Variants in NALF1 observed in about 807,000 individuals in gnomAD.
The protein encoded by NALF1 is family with sequence similarity 155 member A.
In NALF1, 3 loss-of-function variants were observed where a neutral mutation model predicts 48.4. The observed-to-expected ratio is 0.06, with a 90% CI of 0.03 to 0.16. The LOEUF is 0.16. Among genes scored for constraint, NALF1 ranks in the 10% least tolerant of loss-of-function variants. The pLI is 1.00. For missense variants in NALF1, 526 were observed against 571.5 expected (o/e 0.92, Z 0.81); for synonymous variants, 262 against 245.7 (o/e 1.07, Z -0.62).
At chr13:107,503,301 T>A (rs1307496873) in intron 1 of NALF1, among the ~76,000 whole-genome samples, 1 of 148,810 alleles carries the variant, frequency 6.7e-6, no homozygotes, top group Non-Finnish European at 1.5e-5. Flanking sequence ...CAAAAAAAAA[T>A]CCAGAAGGTA....
At chr13:107,371,255 C>G (rs1220605689) in intron 1 of NALF1, among the ~76,000 whole-genome samples, 1 of 152,008 alleles carries the variant, frequency 6.6e-6, no homozygotes, top group Non-Finnish European at 1.5e-5. Flanking sequence ...GGGACCAATA[C>G]AGACAACACA....
intron 1 of NALF1, among the ~76,000 whole-genome samples, chr13:107,666,526 A>C (rs1457099608): frequency 6.6e-6 from 1 of 152,142 alleles, no homozygotes; most frequent in Non-Finnish European, 1.5e-5. Context: ...CACGGGGTGG[A>C]AAGTTTGCTC....
At position 107,530,863 on chromosome 13, in the gene NALF1, A is replaced by T. The variant is rs988261037; in HGVS notation, c.916-320108T>A. On this transcript the variant is annotated intron_variant, in intron 1 of 2. Transcript: ENST00000375915. The stretch of plus-strand genomic sequence containing the variant: ...ACCATTCTCCTTATAAAGTTTTAAA[A>T]ATAATATGAAAACCAGCAGGATTGC... Among the ~76,000 whole-genome samples the T allele has an allele frequency of 5.3e-5, 8 of 152,140 alleles. 3 individuals are homozygous for T. Among genetic ancestry groups the T allele is most frequent in the Admixed American group, 5.2e-4 (8 of 15,258 alleles).
At chr13:107,385,136 A>C (rs1411699544) in intron 1 of NALF1, among the ~76,000 whole-genome samples, 1 of 152,226 alleles carries the variant, frequency 6.6e-6, no homozygotes, top group African/African-American at 2.4e-5. Flanking sequence ...ATGATTTCAA[A>C]AATCTCTAAA....
At chr13:107,210,836 G>A (rs1486189228) in intron 1 of NALF1, 81 bp from the exon 2 acceptor site, 42 of 978,454 alleles carry the variant, frequency 4.3e-5, no homozygotes, top group Non-Finnish European at 5.9e-5. Flanking sequence ...GCGTGCAAGC[G>A]TGCTGTGGTT....
chr13:107,409,371 T>A (rs1005208408), intron 1 of NALF1, among the ~76,000 whole-genome samples: 28 of 152,114 alleles, frequency 1.8e-4, no homozygotes, highest in African/African-American at 6.8e-4. Flanking sequence ...AATGCAGAAT[T>A]GCAAACTGTG....
At position 107,867,050 on chromosome 13, in the gene NALF1, G is replaced by A. The variant is rs1234709693; in HGVS notation, c.-454C>T. Among the ~76,000 whole-genome samples, 2 of 151,872 alleles carry A rather than the reference G, an allele frequency of 1.3e-5. No homozygotes were observed. The highest frequency in any genetic ancestry group is 3.4e-3 in the Middle Eastern group (1 of 292). On this transcript the variant is annotated 5_prime_UTR_variant, in exon 1 of 3. Coordinates refer to ENST00000375915, the MANE Select transcript of NALF1 (RefSeq NM_001080396.3). This position sits in a 1 kb window ranked among gnomAD's most constrained non-coding sequence, Gnocchi z 4.4. ...GCGCGCGGGTCCCCATGGCCCCGCG[G>A]AGCCCAGCCCGCTCTCCCCTGCCAG...
At chr13:107,439,844 G>T (rs554544583) in intron 1 of NALF1, among the ~76,000 whole-genome samples, 1 of 152,232 alleles carries the variant, frequency 6.6e-6, no homozygotes, top group East Asian at 1.9e-4. Flanking sequence ...GGAATATTGT[G>T]AGTTGTTTCT....
chr13:107,623,037 G>T (rs1054798612), intron 1 of NALF1, among the ~76,000 whole-genome samples: 2 of 152,100 alleles, frequency 1.3e-5, no homozygotes, highest in African/African-American at 4.8e-5. Flanking sequence ...GGTTACCACT[G>T]TTTCCCACGA....
At chr13:107,544,923 A>G (rs1877095996) in intron 1 of NALF1, among the ~76,000 whole-genome samples, 1 of 152,188 alleles carries the variant, frequency 6.6e-6, no homozygotes, top group Non-Finnish European at 1.5e-5. Context: ...TGCAGAAGAC[A>G]GGCTCATGAC....
At chr13:107,472,215 G>C (rs1885112021) in intron 1 of NALF1, among the ~76,000 whole-genome samples, 1 of 152,152 alleles carries the variant, frequency 6.6e-6, no homozygotes, top group Non-Finnish European at 1.5e-5. Context: ...TGTAATCCCA[G>C]GTACTTGGGA....
intron 1 of NALF1, among the ~76,000 whole-genome samples, chr13:107,604,103 C>T (rs968233400): frequency 6.6e-6 from 1 of 152,090 alleles, no homozygotes; most frequent in Non-Finnish European, 1.5e-5. Flanking sequence ...AAAAAGCATT[C>T]GAGCACACAA....
intron 1 of NALF1, among the ~76,000 whole-genome samples, chr13:107,322,281 T>C (rs1882272328): frequency 6.6e-6 from 1 of 152,186 alleles, no homozygotes; most frequent in Non-Finnish European, 1.5e-5. Context: ...TCTACATACA[T>C]ATCTATCTCT....
intron 1 of NALF1, among the ~76,000 whole-genome samples, chr13:107,216,294 GA>G (rs768752765): frequency 2.0e-5 from 3 of 152,210 alleles, no homozygotes; most frequent in Non-Finnish European, 1.5e-5. Context: ...AAGTGAGGGT[GA>G]AACTCAAAAT....
intron 1 of NALF1, among the ~76,000 whole-genome samples, chr13:107,449,684 T>C (rs1018505675): frequency 6.6e-6 from 1 of 152,182 alleles, no homozygotes; most frequent in Non-Finnish European, 1.5e-5. Context: ...GAAATTGGTC[T>C]AGAAATGTAG....
intron 1 of NALF1, among the ~76,000 whole-genome samples, chr13:107,794,795 C>G (rs1878364937): frequency 6.6e-6 from 1 of 151,946 alleles, no homozygotes; most frequent in Non-Finnish European, 1.5e-5. Flanking sequence ...TTTATCTGTC[C>G]TTTTTGAGTT....
rs555714420 is a variant in NALF1 at position 107,633,881 on chromosome 13, T to C, written c.915+231801A>G. On this transcript the variant is annotated intron_variant, in intron 1 of 2. Transcript: ENST00000375915. The stretch of plus-strand genomic sequence containing the variant: ...ATATATGTGTGTGTATGTGTGTGTG[T>C]ATATATATATATGAAACACATATAT... 7.0e-4 allele frequency among the ~76,000 whole-genome samples: 82 copies of C among 117,194 alleles called. 1 individual carries two copies. In the South Asian group the frequency reaches 0.021, roughly 30 times the overall value. The allele number at this position is 117,194 out of a possible 152,430, so 76.9% of individuals were successfully genotyped here.
chr13:107,236,284 C>T (rs1880340041), intron 1 of NALF1, among the ~76,000 whole-genome samples: 1 of 152,094 alleles, frequency 6.6e-6, no homozygotes, highest in Non-Finnish European at 1.5e-5. Flanking sequence ...AAAGGACCAG[C>T]AAAGTACCAA....
intron 1 of NALF1, among the ~76,000 whole-genome samples, chr13:107,428,595 A>T (rs1884321820): frequency 6.8e-6 from 1 of 146,572 alleles, no homozygotes; most frequent in Non-Finnish European, 1.5e-5. Flanking sequence ...GCAACAGAAC[A>T]ATAGGAAATG....
Sources: gnomAD v4.1 joint callset for allele counts (sites outside exome capture counted in the v4.1 genomes callset) on GRCh38, gnomAD v4.1.1 for gene constraint, Gnocchi (gnomAD v3.1) non-coding constraint, MANE v1.5 for transcripts, NCBI Gene and HGNC (gene_info 2026-07-23, HGNC 2026-07-21) for gene names.